GTPBP1: variants seen among roughly 807,000 people sequenced by gnomAD.
GTPBP1 encodes the protein GTP binding protein 1, also known as GTP-binding protein 1.
Under a neutral mutation model 62.0 loss-of-function variants are expected in GTPBP1, and 23 were observed. The ratio of observed to expected loss-of-function variants is 0.37; its 90% CI spans 0.27 to 0.53. The LOEUF (loss-of-function observed/expected upper bound fraction) is 0.53. Ranked by LOEUF, GTPBP1 falls within the 20% of genes least tolerant of loss-of-function variation. The pLI, the probability that GTPBP1 is intolerant of heterozygous loss-of-function variation, is 0.89. For missense variants in GTPBP1, 640 were observed against 917.3 expected (o/e 0.70, Z 3.90); for synonymous variants, 344 against 364.4 (o/e 0.94, Z 0.64).
In GTPBP1 at chr22:38,726,450, G is replaced by A. The variant is rs374298738; in HGVS notation, c.1401+10G>A. On this transcript the variant is annotated intron_variant, in intron 8 of 11. Transcript: ENST00000216044. This position sits in a 1 kb window ranked among gnomAD's most constrained non-coding sequence, Gnocchi z 4.1. ...CTTTGCGCTGAAGAAGGTGAGTAGC[G>A]ATGATACTGAACGCTCCCCTCAGAC... 1.3e-4 allele frequency: 206 copies of A among 1,609,324 alleles called. No homozygotes were observed. Among genetic ancestry groups the A allele is most frequent in the Admixed American group, 3.0e-4 (18 of 59,992 alleles).
chr22:38,711,371 G>A (rs917907808), intron 2 of GTPBP1, among the ~76,000 whole-genome samples: 1 of 152,182 alleles, frequency 6.6e-6, no homozygotes, highest in Non-Finnish European at 1.5e-5. Context: ...TTTGCCTACT[G>A]ACTCTTTTCC....
intron 5 of GTPBP1, 55 bp from the exon 6 acceptor site, chr22:38,724,242 C>T (rs986781925): frequency 9.6e-7 from 1 of 1,044,650 alleles, no homozygotes; most frequent in African/African-American, 1.6e-5. Flanking sequence ...GCTCTTAAAG[C>T]CTGGCCAAAG....
At chr22:38,742,154 AAAAAAAG>A, downstream of GTPBP1, 2 of 1,108,974 alleles carry the variant, frequency 1.8e-6, no homozygotes, top group South Asian at 3.5e-5. Context: ...AAAAGAAAAA[AAAAAAAG>A]AAAAAAAGAG....
downstream of GTPBP1, chr22:38,739,901 G>A (rs766680217): frequency 1.9e-6 from 3 of 1,612,732 alleles, no homozygotes; most frequent in East Asian, 2.2e-5. This position sits in a 1 kb window ranked among gnomAD's most constrained non-coding sequence, Gnocchi z 6.7. Flanking sequence ...CCTCCACCTC[G>A]GGCAAGGAAC....
chr22:38,738,122 GCCT>G (rs772348035), downstream of GTPBP1: 1 of 1,529,944 alleles, frequency 6.5e-7, no homozygotes, highest in South Asian at 1.1e-5. This position sits in a 1 kb window ranked among gnomAD's most constrained non-coding sequence, Gnocchi z 6.6. Flanking sequence ...AGCACCTGCT[GCCT>G]GGATGGGGAG....
chr22:38,720,548 A>G lies in GTPBP1; in HGVS notation c.835-1194A>G, dbSNP rs547463930. Among the ~76,000 whole-genome samples, 4 of 152,218 alleles carry G rather than the reference A, an allele frequency of 2.6e-5. No individual in the cohort carries two copies. In the South Asian group the frequency reaches 8.3e-4, roughly 32 times the overall value. On this transcript the variant is annotated intron_variant, in intron 4 of 11. Coordinates refer to ENST00000216044, the MANE Select transcript of GTPBP1 (RefSeq NM_004286.5). ...CATAGCTGAACACTCACCTCTTTTT[A>G]TGATAGCATTCTATATGCAACTTAC...
At chr22:38,742,653 A>G (rs2092869602), downstream of GTPBP1, 1 of 1,452,516 alleles carries the variant, frequency 6.9e-7, no homozygotes, top group East Asian at 2.3e-5. Context: ...AGAAAGGGAA[A>G]AGATTCCAGA....
downstream of GTPBP1, chr22:38,741,573 TGTGAGACGGGA>T: frequency 6.2e-7 from 1 of 1,613,968 alleles, no homozygotes; most frequent in Non-Finnish European, 8.5e-7. Flanking sequence ...CAGTTCTTCC[TGTGAGACGGGA>T]GTGAGAGGAC....
At chr22:38,717,970 C>T (rs1184665495) in intron 4 of GTPBP1, among the ~76,000 whole-genome samples, 3 of 152,210 alleles carry the variant, frequency 2.0e-5, no homozygotes, top group Non-Finnish European at 4.4e-5. Context: ...ATGTAGTAAA[C>T]ATAAGCATCT....
intron 6 of GTPBP1, among the ~76,000 whole-genome samples, chr22:38,724,647 G>A (rs941672293): frequency 1.3e-5 from 2 of 152,148 alleles, no homozygotes; most frequent in Non-Finnish European, 2.9e-5. Context: ...TGAGGTGCTG[G>A]CATTCCTGGG....
At chr22:38,741,132 G>A (rs1003376093), downstream of GTPBP1, 38 of 1,482,570 alleles carry the variant, frequency 2.6e-5, no homozygotes, top group African/African-American at 4.2e-5. Flanking sequence ...GTCTGTTAGC[G>A]TCTTTGCTTA....
chr22:38,729,701 G>A, intron 11 of GTPBP1, 39 bp downstream of exon 11: 1 of 1,395,754 alleles, frequency 7.2e-7, no homozygotes, highest in Non-Finnish European at 9.4e-7. Flanking sequence ...ATGGTGGTGG[G>A]GGCTGTGGCT....
downstream of GTPBP1, chr22:38,735,305 GGCCT>G: frequency 2.2e-6 from 1 of 449,104 alleles, no homozygotes. Flanking sequence ...CCTACATCAG[GGCCT>G]GGTTAGATGT....
rs967598440 is a variant in GTPBP1 at position 38,727,523 on chromosome 22, A to G, written c.1537+175A>G. 1.3e-4 allele frequency among the ~76,000 whole-genome samples: 19 copies of G among 151,914 alleles called. No homozygotes were observed. Among genetic ancestry groups the G allele is most frequent in the Admixed American group, 2.6e-4 (4 of 15,248 alleles). On this transcript the variant is annotated intron_variant, in intron 9 of 11. Coordinates refer to ENST00000216044, the MANE Select transcript of GTPBP1 (RefSeq NM_004286.5). The surrounding 1 kb of genome is among the most constrained non-coding windows in gnomAD (Gnocchi z 6.5). ...TGAGCCGCAGTGTTGATTCCTTCCC[A>G]CAAACACTGAGGGCTGGGCTCTTGA...
chr22:38,720,449 C>T (rs12170535), intron 4 of GTPBP1, among the ~76,000 whole-genome samples: 9 of 151,416 alleles, frequency 5.9e-5, no homozygotes, highest in Non-Finnish European at 7.4e-5. Context: ...AAGCTGGTCT[C>T]GAATTCCTGA....
downstream of GTPBP1, chr22:38,734,390 G>A (rs868209693): frequency 4.9e-6 from 2 of 409,986 alleles, no homozygotes; most frequent in Middle Eastern, 3.6e-4. Context: ...AGTGGACGTG[G>A]CTGGTAGGTA....
At chr22:38,738,703 C>A, downstream of GTPBP1, 1 of 1,613,668 alleles carries the variant, frequency 6.2e-7, no homozygotes, top group Non-Finnish European at 8.5e-7. This position sits in a 1 kb window ranked among gnomAD's most constrained non-coding sequence, Gnocchi z 6.6. Flanking sequence ...CGGACCACGG[C>A]GAAGCCTTGT....
At position 38,716,608 on chromosome 22, in the gene GTPBP1, ATT is replaced by A; in HGVS notation, c.486-43_486-42del. The A allele has an allele frequency of 1.4e-6, 2 of 1,414,200 alleles. No individual in the cohort carries two copies. Among genetic ancestry groups the A allele is most frequent in the Non-Finnish European group, 2.0e-6 (2 of 1,016,440 alleles). The allele number at this position is 1,414,200 out of a possible 1,614,324, so 87.6% of individuals were successfully genotyped here. A position where few individuals can be genotyped will look rare whatever the true frequency, so the allele number is the denominator to read the frequency against. On this transcript the variant is annotated intron_variant, in intron 3 of 11. Transcript: ENST00000216044. This position sits in a 1 kb window ranked among gnomAD's most constrained non-coding sequence, Gnocchi z 5.2. ...TTATGATGGTCGCTCCACCTCACTCATTCACTAACTCTCACATAGATGTATGG... is the reference window on the plus strand; with the variant it reads ...TTATGATGGTCGCTCCACCTCACTCACACTAACTCTCACATAGATGTATGG...
downstream of GTPBP1, chr22:38,739,651 G>T: frequency 6.5e-7 from 1 of 1,542,520 alleles, no homozygotes; most frequent in Admixed American, 1.7e-5. This position sits in a 1 kb window ranked among gnomAD's most constrained non-coding sequence, Gnocchi z 6.7. Context: ...AGCTGGCAGT[G>T]TGGGACTGTC....
Sources: gnomAD v4.1 joint callset for allele counts (sites outside exome capture counted in the v4.1 genomes callset) on GRCh38, gnomAD v4.1.1 for gene constraint, Gnocchi (gnomAD v3.1) non-coding constraint, MANE v1.5 for transcripts, NCBI Gene and HGNC (gene_info 2026-07-23, HGNC 2026-07-21) for gene names.